The following PLEKHA7 variants were observed in gnomAD, a reference collection of about 807,000 sequenced individuals.
PLEKHA7 encodes the protein pleckstrin homology domain containing A7.
PLEKHA7 carries 104 observed loss-of-function variants against 170.0 expected under a neutral mutation model. That is an observed-to-expected ratio of 0.61 (90% CI 0.52 to 0.72). PLEKHA7 has a LOEUF of 0.72. Ranked by LOEUF, PLEKHA7 falls within the 30% of genes least tolerant of loss-of-function variation. PLEKHA7 has a pLI of 0.00. For missense variants in PLEKHA7, 1,615 were observed against 1,671.7 expected, an observed-to-expected ratio of 0.97 and a Z score of 0.59; for synonymous variants, 648 against 660.8, an observed-to-expected ratio of 0.98 and a Z score of 0.30.
chr11:16,810,908 C>T (rs980497564), intron 13 of PLEKHA7, among the ~76,000 whole-genome samples: 11 of 152,142 alleles, frequency 7.2e-5, no homozygotes, highest in Non-Finnish European at 1.3e-4. Flanking sequence ...ATTAGCCTTT[C>T]GGAGTCACGG....
chr11:16,801,948 C>T (rs772985526), intron 15 of PLEKHA7, 131 bp from the exon 16 acceptor site: 49 of 1,136,782 alleles, frequency 4.3e-5, no homozygotes, highest in Non-Finnish European at 5.9e-5. Context: ...TGTGGGCCCA[C>T]AGTCGGGGCT....
intron 24 of PLEKHA7, among the ~76,000 whole-genome samples, chr11:16,785,374 C>T (rs887115739): frequency 1.3e-5 from 2 of 152,182 alleles, no homozygotes; most frequent in African/African-American, 4.8e-5. Flanking sequence ...TGTACAAATG[C>T]TTTTGGTACA....
Position 16,937,854 on chromosome 11 carries a change from C to A in PLEKHA7, c.222-66672G>T, listed in dbSNP as rs373878860. Among the ~76,000 whole-genome samples the A allele has an allele frequency of 7.5e-4, 114 of 152,210 alleles. 1 individual carries two copies. The highest frequency in any genetic ancestry group is 5.6e-3 in the South Asian group (27 of 4,820). On this transcript the variant is annotated intron_variant, in intron 3 of 26. Coordinates refer to ENST00000531066, the MANE Select transcript of PLEKHA7 (RefSeq NM_001329630.2). The stretch of plus-strand genomic sequence containing the variant: ...AACTCCCGACCTCAGGTGATCCACC[C>A]GCCTCGGCCTCCCAAAGTGTTGGGA...
At chr11:16,951,842 T>G (rs549398295) in intron 3 of PLEKHA7, among the ~76,000 whole-genome samples, 1 of 152,232 alleles carries the variant, frequency 6.6e-6, no homozygotes, top group Non-Finnish European at 1.5e-5. Context: ...TGAAGGTTTA[T>G]CCATAAATAC....
intron 3 of PLEKHA7, among the ~76,000 whole-genome samples, chr11:16,960,580 T>G (rs1861995959): frequency 6.6e-6 from 1 of 152,008 alleles, no homozygotes; most frequent in Non-Finnish European, 1.5e-5. Context: ...CCTTCCCATG[T>G]GAAGTATCCA....
At chr11:16,826,934 C>T (rs1328878516) in intron 9 of PLEKHA7, among the ~76,000 whole-genome samples, 2 of 152,204 alleles carry the variant, frequency 1.3e-5, no homozygotes, top group African/African-American at 2.4e-5. Flanking sequence ...CCTGGCTGAT[C>T]ATCATAAGCC....
At chr11:17,011,405 A>C (rs1379529203) in intron 3 of PLEKHA7, among the ~76,000 whole-genome samples, 1 of 152,180 alleles carries the variant, frequency 6.6e-6, no homozygotes, top group Non-Finnish European at 1.5e-5. Flanking sequence ...CACCAAAAAA[A>C]AGAACCCTCC....
chr11:16,826,167 C>T lies in PLEKHA7; in HGVS notation c.1296G>A (p.Leu432=). 1.9e-6 allele frequency: 3 copies of T among 1,614,210 alleles called. No individual in the cohort carries two copies. Among genetic ancestry groups the T allele is most frequent in the Non-Finnish European group, 2.5e-6 (3 of 1,180,042 alleles). The change falls in exon 10 of 27, where the codon CTG becomes CTA. Residue 432 remains leucine, a synonymous_variant. Transcript: ENST00000531066. ...PEKHSQRKSN[L]AQVEHWARAQ... ...CCCTTGCCCAGTGCTCCACCTGGGC[C>T]AGATTGCTCTTCCTTTGGCTGTGTT... is the stretch of plus-strand genomic sequence containing the variant.
intron 3 of PLEKHA7, among the ~76,000 whole-genome samples, chr11:16,919,625 C>A (rs1267528315): frequency 3.3e-5 from 5 of 151,950 alleles, no homozygotes; most frequent in Non-Finnish European, 7.4e-5. Context: ...GATCACACCA[C>A]TGCACTCCAG....
Position 16,799,568 on chromosome 11 carries a change from A to C in PLEKHA7, c.2409+1406T>G, listed in dbSNP as rs1308832949. 4.0e-5 allele frequency among the ~76,000 whole-genome samples: 6 copies of C among 151,760 alleles called. No individual in the cohort carries two copies. The East Asian group carries it at 9.6e-4, about 24-fold the overall frequency. On this transcript the variant is annotated intron_variant, in intron 17 of 26. Transcript: ENST00000531066. ...AAAAAATTACTGCTAAAAATAAAGC[A>C]AAAAAAAATTACTGCTAAAAAAATT...
intron 3 of PLEKHA7, among the ~76,000 whole-genome samples, chr11:16,885,496 T>TA (rs1175084222): frequency 4.0e-5 from 6 of 149,312 alleles, no homozygotes; most frequent in South Asian, 2.1e-4. Context: ...TCATCTCTAC[T>TA]AAAAAAAATA....
chr11:16,874,438 C>T (rs955094987), intron 3 of PLEKHA7, among the ~76,000 whole-genome samples: 1 of 152,086 alleles, frequency 6.6e-6, no homozygotes, highest in Non-Finnish European at 1.5e-5. Flanking sequence ...GCCCAGGAGT[C>T]AAGGCTGCAG....
intron 3 of PLEKHA7, among the ~76,000 whole-genome samples, chr11:16,937,615 CTTTTT>C (rs199658017): frequency 2.8e-5 from 4 of 145,130 alleles, no homozygotes; most frequent in Non-Finnish European, 4.6e-5. Flanking sequence ...TTTTTCTTTT[CTTTTT>C]TTTTTTAGAT....
chr11:16,974,159 A>G (rs1020910765), intron 3 of PLEKHA7, among the ~76,000 whole-genome samples: 24 of 152,126 alleles, frequency 1.6e-4, no homozygotes, highest in African/African-American at 5.3e-4. Context: ...CTACGTGGGT[A>G]AGATTCTCAG....
At chr11:16,907,069 C>T (rs7948939) in intron 3 of PLEKHA7, among the ~76,000 whole-genome samples, 20,417 of 113,452 alleles carry the variant, frequency 0.18, 2,718 homozygotes, top group African/African-American at 0.43. Context: ...GTCTGGGAAG[C>T]GAGGAGCGTC....
chr11:16,949,573 G>A (rs548527274), intron 3 of PLEKHA7, among the ~76,000 whole-genome samples: 1 of 152,310 alleles, frequency 6.6e-6, no homozygotes, highest in East Asian at 1.9e-4. Context: ...ACACTGCTAA[G>A]CAATTAACTT....
chr11:16,781,049 T>C, intron 26 of PLEKHA7: 1 of 984,230 alleles, frequency 1.0e-6, no homozygotes, highest in Non-Finnish European at 1.2e-6. Context: ...GGCCAGCTGC[T>C]GTGCTAGATG....
At chr11:17,005,728 A>G (rs1051729365) in intron 3 of PLEKHA7, among the ~76,000 whole-genome samples, 31 of 152,228 alleles carry the variant, frequency 2.0e-4, no homozygotes, top group African/African-American at 7.2e-4. Flanking sequence ...GTTTCCTTAA[A>G]GAAGTTTCTT....
At chr11:16,867,806 G>A (rs1854510662) in intron 4 of PLEKHA7, among the ~76,000 whole-genome samples, 1 of 152,128 alleles carries the variant, frequency 6.6e-6, no homozygotes. Context: ...CTCCTCAGCT[G>A]TGAATGACAC....
Sources: allele counts gnomAD v4.1 joint callset (sites outside exome capture counted in the v4.1 genomes callset), GRCh38; gene constraint gnomAD v4.1.1; transcripts MANE v1.5; gene names NCBI Gene and HGNC (gene_info 2026-07-23, HGNC 2026-07-21).